Variants in WASF2 observed in about 807,000 individuals in gnomAD.
WASF2 encodes the protein WASP family member 2, also known as actin-binding protein WASF2.
A neutral mutation model predicts 45.0 loss-of-function variants in WASF2; 14 were observed. The ratio of observed to expected loss-of-function variants is 0.31; its 90% CI spans 0.21 to 0.49. The LOEUF (loss-of-function observed/expected upper bound fraction) is 0.49. Among genes scored for constraint, WASF2 ranks in the 20% least tolerant of loss-of-function variants. WASF2 has a pLI of 0.99. For missense variants in WASF2, 439 were observed against 636.1 expected, an observed-to-expected ratio of 0.69 and a Z score of 3.33; for synonymous variants, 200 against 236.3, an observed-to-expected ratio of 0.85 and a Z score of 1.41.
intron 1 of WASF2, among the ~76,000 whole-genome samples, chr1:27,442,450 A>T (rs2017250623): frequency 6.6e-6 from 1 of 151,220 alleles, no homozygotes; most frequent in African/African-American, 2.4e-5. Flanking sequence ...AGGCTGAGGC[A>T]GAAGAATCGC....
At chr1:27,428,374 C>T (rs1425801671) in intron 2 of WASF2, among the ~76,000 whole-genome samples, 1 of 152,198 alleles carries the variant, frequency 6.6e-6, no homozygotes, top group Non-Finnish European at 1.5e-5. Flanking sequence ...CAGGCTACAT[C>T]GAACAGCTCG....
At chr1:27,424,767 C>T (rs962508632) in intron 2 of WASF2, among the ~76,000 whole-genome samples, 4 of 152,164 alleles carry the variant, frequency 2.6e-5, no homozygotes, top group Non-Finnish European at 1.5e-5. Flanking sequence ...GCAATCCTCC[C>T]GCCTCCACCT....
At chr1:27,437,336 T>C (rs1056956610) in intron 1 of WASF2, among the ~76,000 whole-genome samples, 13 of 152,230 alleles carry the variant, frequency 8.5e-5, no homozygotes, top group Admixed American at 7.9e-4. Flanking sequence ...GTTGGAAACC[T>C]GGATTCTAGC....
At chr1:27,438,200 A>T (rs2017162374) in intron 1 of WASF2, among the ~76,000 whole-genome samples, 1 of 152,216 alleles carries the variant, frequency 6.6e-6, no homozygotes, top group Non-Finnish European at 1.5e-5. Context: ...GGAAGGGTCT[A>T]ACCCCATTTT....
At chr1:27,442,466 CCCAG>C (rs746965655) in intron 1 of WASF2, among the ~76,000 whole-genome samples, 4 of 151,596 alleles carry the variant, frequency 2.6e-5, no homozygotes, top group Non-Finnish European at 5.9e-5. Context: ...ATCGCTTGAA[CCCAG>C]CAGGTGGAGG....
At chr1:27,478,447 A>T (rs567288077) in intron 1 of WASF2, among the ~76,000 whole-genome samples, 3 of 152,214 alleles carry the variant, frequency 2.0e-5, no homozygotes, top group Admixed American at 6.5e-5. Flanking sequence ...AAGTGTGCAT[A>T]CTATATGATT....
At chr1:27,430,205 T>C (rs2017042621) in intron 1 of WASF2, among the ~76,000 whole-genome samples, 7 of 152,178 alleles carry the variant, frequency 4.6e-5, no homozygotes, top group Admixed American at 2.0e-4. Context: ...ATGACTACAG[T>C]CAAGGCACAA....
chr1:27,413,553 A>G (rs1278731883), intron 6 of WASF2, among the ~76,000 whole-genome samples: 2 of 152,198 alleles, frequency 1.3e-5, no homozygotes, highest in African/African-American at 4.8e-5. Context: ...TCTGATGTGG[A>G]AAATCCCCAA....
chr1:27,438,125 G>A (rs1453643434), intron 1 of WASF2, among the ~76,000 whole-genome samples: 4 of 152,220 alleles, frequency 2.6e-5, no homozygotes, highest in Non-Finnish European at 4.4e-5. Flanking sequence ...CTGGGAGGAA[G>A]CCAAACCTGG....
At chr1:27,449,108 G>A (rs912675267) in intron 1 of WASF2, among the ~76,000 whole-genome samples, 5 of 152,066 alleles carry the variant, frequency 3.3e-5, no homozygotes, top group African/African-American at 1.2e-4. Context: ...GGAAGCTGGC[G>A]TCCCCTCTTC....
At chr1:27,446,925 G>A (rs2017318432) in intron 1 of WASF2, among the ~76,000 whole-genome samples, 1 of 152,036 alleles carries the variant, frequency 6.6e-6, no homozygotes, top group African/African-American at 2.4e-5. Flanking sequence ...TCTAGCCCCT[G>A]GAGTATGCTG....
chr1:27,451,874 A>G (rs879173717), intron 1 of WASF2, among the ~76,000 whole-genome samples: 1 of 152,218 alleles, frequency 6.6e-6, no homozygotes, highest in Admixed American at 6.5e-5. Flanking sequence ...ATTTTTTTCT[A>G]TACATACATA....
rs566734039 is a variant in WASF2, at chr1:27,471,948, G to A, written c.-44+18038C>T. 1.8e-3 allele frequency among the ~76,000 whole-genome samples: 275 copies of A among 152,248 alleles called. 1 individual carries two copies. Among genetic ancestry groups the A allele is most frequent in the African/African-American group, 6.1e-3 (253 of 41,562 alleles). ...TAGTTCAAACTTTCATCACTGCCTA[G>A]ATTTCTGCAGTAGCCTGTTCAACCC... On this transcript the variant is annotated intron_variant, in intron 1 of 8. Transcript: ENST00000618852.
At chr1:27,444,934 A>C (rs1571142561) in intron 1 of WASF2, among the ~76,000 whole-genome samples, 1 of 152,234 alleles carries the variant, frequency 6.6e-6, no homozygotes, top group East Asian at 1.9e-4. Flanking sequence ...TGAATCTTCC[A>C]GTCTAAAGTC....
intron 1 of WASF2, among the ~76,000 whole-genome samples, chr1:27,469,434 G>A (rs912955443): frequency 5.3e-5 from 8 of 152,030 alleles, no homozygotes; most frequent in Middle Eastern, 3.2e-3. Flanking sequence ...TCACAGAGTT[G>A]GCTAATACTT....
intron 1 of WASF2, 73 bp from the exon 2 acceptor site, chr1:27,429,006 T>A: frequency 8.1e-7 from 1 of 1,240,832 alleles, no homozygotes; most frequent in Admixed American, 2.9e-5. Context: ...TGAATCTTTT[T>A]TTTTTTTTTT....
Position 27,409,849 on chromosome 1 carries a change from GGGA to G in WASF2, c.1179_1181del (p.Pro400del). 6.5e-7 allele frequency: 1 copy of G among 1,547,434 alleles called. No individual in the cohort carries two copies. Among genetic ancestry groups the G allele is most frequent in the Non-Finnish European group, 8.7e-7 (1 of 1,143,208 alleles). On this transcript the variant is annotated inframe_deletion, in exon 8 of 9. Coordinates refer to ENST00000618852, the MANE Select transcript of WASF2 (RefSeq NM_006990.5). The stretch of plus-strand genomic sequence containing the variant: ...GGGGCCCCGGAGGAGGAGGAGGAGG[GGGA>G]GGAGGAGGTGCTCCTCCTGTTGGCT...
intron 1 of WASF2, among the ~76,000 whole-genome samples, chr1:27,472,131 G>C (rs540390589): frequency 2.4e-4 from 36 of 152,116 alleles, no homozygotes; most frequent in Non-Finnish European, 4.1e-4. Context: ...AGGAGATGGA[G>C]ACCACCCTGC....
intron 4 of WASF2, 88 bp downstream of exon 4, chr1:27,418,181 C>A: frequency 6.9e-7 from 1 of 1,441,056 alleles, no homozygotes; most frequent in East Asian, 2.4e-5. Flanking sequence ...AGATACAATC[C>A]TCTGATGGAA....
Sources: allele counts gnomAD v4.1 joint callset (sites outside exome capture counted in the v4.1 genomes callset), GRCh38; gene constraint gnomAD v4.1.1; transcripts MANE v1.5; gene names NCBI Gene and HGNC (gene_info 2026-07-23, HGNC 2026-07-21).